TOX: variants seen among roughly 807,000 people sequenced by gnomAD.
TOX encodes thymocyte selection-associated high mobility group box protein TOX.
Under a neutral mutation model 53.7 loss-of-function variants are expected in TOX, and 11 were observed. The observed-to-expected ratio is 0.20, with a 90% CI of 0.13 to 0.34. The LOEUF is 0.34. TOX is among the 10% of genes least tolerant of loss of function. TOX has a pLI of 1.00. For synonymous variants in TOX, 225 were observed against 245.3 expected, an observed-to-expected ratio of 0.92 and a Z score of 0.77; for missense variants, 570 against 664.6, an observed-to-expected ratio of 0.86 and a Z score of 1.56.
At chr8:58,951,203 T>C (rs1812614934) in intron 2 of TOX, among the ~76,000 whole-genome samples, 2 of 152,194 alleles carry the variant, frequency 1.3e-5, no homozygotes, top group South Asian at 4.1e-4. Flanking sequence ...ATATTTACTA[T>C]CTTTTTGAGG....
intron 1 of TOX, among the ~76,000 whole-genome samples, chr8:58,963,224 C>A (rs1331221199): frequency 1.3e-5 from 2 of 152,068 alleles, no homozygotes; most frequent in African/African-American, 4.8e-5. Context: ...AACTGCAGGT[C>A]TTGGGACATC....
chr8:58,835,059 C>G (rs1810523455), intron 5 of TOX, among the ~76,000 whole-genome samples: 1 of 152,150 alleles, frequency 6.6e-6, no homozygotes. Flanking sequence ...TTATTTCTCT[C>G]AATCTTGGCA....
chr8:59,062,005 T>C (rs372752048), intron 1 of TOX, among the ~76,000 whole-genome samples: 3 of 152,194 alleles, frequency 2.0e-5, no homozygotes, highest in East Asian at 1.9e-4. Context: ...TTACTTGTCC[T>C]AAACATTCCA....
At chr8:58,985,241 A>G (rs891468727) in intron 1 of TOX, among the ~76,000 whole-genome samples, 12 of 152,000 alleles carry the variant, frequency 7.9e-5, no homozygotes, top group African/African-American at 2.9e-4. Context: ...AAGCAACTCA[A>G]ATATCCAACA....
rs143863089 is a variant in TOX, at chr8:59,019,576, T to A, written c.103-59568A>T. Among the ~76,000 whole-genome samples the A allele has an allele frequency of 9.0e-4, 137 of 152,322 alleles. No individual in the cohort carries two copies. The South Asian group carries it at 9.1e-3, about 10-fold the overall frequency. ...TGATTGCCTAGCCAAAAATGAAATT[T>A]AATTTGTGTCTCAATTGACAAAATA... On this transcript the variant is annotated intron_variant, in intron 1 of 8. Coordinates refer to ENST00000361421, the MANE Select transcript of TOX (RefSeq NM_014729.3).
intron 3 of TOX, among the ~76,000 whole-genome samples, chr8:58,887,288 A>T (rs946188049): frequency 6.6e-6 from 1 of 151,794 alleles, no homozygotes; most frequent in African/African-American, 2.4e-5. Context: ...AATTCCTGTC[A>T]ATTTTTAGTA....
At chr8:58,859,564 A>G (rs1214725148) in intron 3 of TOX, among the ~76,000 whole-genome samples, 1 of 152,172 alleles carries the variant, frequency 6.6e-6, no homozygotes, top group Non-Finnish European at 1.5e-5. Flanking sequence ...AGAACCCTGG[A>G]GCACAATTTA....
intron 1 of TOX, among the ~76,000 whole-genome samples, chr8:58,998,285 T>C (rs1813599591): frequency 6.6e-6 from 1 of 150,724 alleles, no homozygotes; most frequent in African/African-American, 2.4e-5. Flanking sequence ...GCTCAGGAGT[T>C]TGAGACCAGC....
intron 3 of TOX, among the ~76,000 whole-genome samples, chr8:58,934,754 A>G (rs1160967287): frequency 6.6e-6 from 1 of 152,218 alleles, no homozygotes; most frequent in East Asian, 1.9e-4. Flanking sequence ...TAACTTCTCC[A>G]AAAGAGTCAT....
intron 3 of TOX, among the ~76,000 whole-genome samples, chr8:58,936,414 GC>G (rs940369881): frequency 6.6e-6 from 1 of 152,038 alleles, no homozygotes; most frequent in Non-Finnish European, 1.5e-5. Context: ...GTCTCTAATT[GC>G]CCCATGTTTC....
Position 58,807,550 on chromosome 8 carries a change from T to C in TOX, c.*197A>G, listed in dbSNP as rs1810000541. The C allele has an allele frequency of 3.6e-6, 2 of 562,460 alleles. No homozygotes were observed. The highest frequency in any genetic ancestry group is 2.9e-5 in the East Asian group (1 of 34,478). The allele number at this position is 562,460 out of a possible 1,614,324, so 34.8% of individuals were successfully genotyped here. ...CCTTCAGGGAAGAAGAAAAACAATG[T>C]CCATAAAGGATTAAAAAAATAATAA... is the stretch of plus-strand genomic sequence containing the variant. On this transcript the variant is annotated 3_prime_UTR_variant, in exon 9 of 9. Coordinates refer to ENST00000361421, the MANE Select transcript of TOX (RefSeq NM_014729.3).
At chr8:58,976,375 G>A (rs1813100456) in intron 1 of TOX, among the ~76,000 whole-genome samples, 1 of 152,202 alleles carries the variant, frequency 6.6e-6, no homozygotes, top group Non-Finnish European at 1.5e-5. Flanking sequence ...TAAGATTGCA[G>A]CAATTCAGTC....
At chr8:58,870,720 T>G (rs1364511343) in intron 3 of TOX, among the ~76,000 whole-genome samples, 2 of 150,976 alleles carry the variant, frequency 1.3e-5, no homozygotes, top group East Asian at 3.9e-4. Flanking sequence ...GGCCCAGAAA[T>G]AGATCCACAC....
intron 1 of TOX, among the ~76,000 whole-genome samples, chr8:58,998,499 ATATATATATATATAT>A (rs1563413277): frequency 2.8e-4 from 21 of 74,490 alleles, no homozygotes; most frequent in African/African-American, 5.9e-4. Flanking sequence ...AAAAGTATAT[ATATATATATATATAT>A]ATATATATAT....
In TOX at chr8:59,118,764, G is replaced by T; in HGVS notation, c.102+122C>A. ...AAGCGCACGCAGGCTGCAGCGGGCT[G>T]CGAGCCGAGCGCGCCCGGGACCGGC... On this transcript the variant is annotated intron_variant, in intron 1 of 8. Transcript: ENST00000361421. The surrounding 1 kb of genome is among the most constrained non-coding windows in gnomAD (Gnocchi z 4.1). 1 of 533,686 alleles carries T rather than the reference G, an allele frequency of 1.9e-6. No individual in the cohort carries two copies. The highest frequency in any genetic ancestry group is 3.1e-6 in the Non-Finnish European group (1 of 325,284). 33.1% of individuals were successfully genotyped at this position (533,686 alleles called of 1,614,324 possible). A position where few individuals can be genotyped will look rare whatever the true frequency, so the allele number is the denominator to read the frequency against.
chr8:59,112,212 C>T (rs1805028405), intron 1 of TOX, among the ~76,000 whole-genome samples: 1 of 152,134 alleles, frequency 6.6e-6, no homozygotes, highest in South Asian at 2.1e-4. Context: ...ATAATGTTCC[C>T]ATTTTCAAAA....
chr8:58,990,433 A>T (rs1445268183), intron 1 of TOX, among the ~76,000 whole-genome samples: 4 of 150,654 alleles, frequency 2.7e-5, no homozygotes, highest in African/African-American at 7.3e-5. Context: ...TTATTTATTT[A>T]TTTTTTATTA....
At chr8:58,947,956 G>T (rs1379356507) in intron 2 of TOX, among the ~76,000 whole-genome samples, 1 of 152,194 alleles carries the variant, frequency 6.6e-6, no homozygotes, top group Non-Finnish European at 1.5e-5. Flanking sequence ...AAGGTCAAGG[G>T]CAAGACTGGT....
chr8:58,922,348 A>G (rs1267424756), intron 3 of TOX, among the ~76,000 whole-genome samples: 1 of 152,228 alleles, frequency 6.6e-6, no homozygotes, highest in Non-Finnish European at 1.5e-5. Context: ...TTGCACAGTT[A>G]GTGTTTGCGT....
Sources: allele counts gnomAD v4.1 joint callset (sites outside exome capture counted in the v4.1 genomes callset), GRCh38; gene constraint gnomAD v4.1.1; non-coding constraint Gnocchi (gnomAD v3.1); transcripts MANE v1.5; gene names NCBI Gene and HGNC (gene_info 2026-07-23, HGNC 2026-07-21).